Variants in NFIB observed in about 807,000 individuals in gnomAD.
NFIB encodes the protein nuclear factor I B.
Under a neutral mutation model 61.5 loss-of-function variants are expected in NFIB, and 11 were observed. That is an observed-to-expected ratio of 0.18 (90% CI 0.11 to 0.30). NFIB has a LOEUF of 0.30. Among genes scored for constraint, NFIB ranks in the 10% least tolerant of loss-of-function variants. NFIB has a pLI of 1.00. For missense variants in NFIB, 471 were observed against 608.9 expected, an observed-to-expected ratio of 0.77 and a Z score of 2.38; for synonymous variants, 260 against 216.5, an observed-to-expected ratio of 1.20 and a Z score of -1.76.
In NFIB at chr9:14,313,470, C is replaced by A. The variant is rs768458256; in HGVS notation, c.30+12G>T. The A allele has an allele frequency of 1.3e-5, 21 of 1,613,296 alleles. No individual in the cohort carries two copies. Among genetic ancestry groups the A allele is most frequent in the Non-Finnish European group, 1.6e-5 (19 of 1,179,590 alleles). Reference sequence around the variant, plus strand: ...CAGAGAGAAAGCTCGAGAAAGCGACCGAGACATGTACCTGAGTGAGACAGA... The same window carrying A: ...CAGAGAGAAAGCTCGAGAAAGCGACAGAGACATGTACCTGAGTGAGACAGA... On this transcript the variant is annotated intron_variant, in intron 1 of 10. Transcript: ENST00000380953. This position sits in a 1 kb window ranked among gnomAD's most constrained non-coding sequence, Gnocchi z 4.5.
the NFIB span, among the ~76,000 whole-genome samples, chr9:14,471,488 C>T: frequency 2.0e-4 from 31 of 152,290 alleles, no homozygotes; most frequent in Admixed American, 1.8e-3. Flanking sequence ...GTAAGCAACA[C>T]GTGGAAAAGA....
chr9:14,092,482 T>C (rs1488093151), intron 10 of NFIB, among the ~76,000 whole-genome samples: 1 of 152,048 alleles, frequency 6.6e-6, no homozygotes, highest in Non-Finnish European at 1.5e-5. Flanking sequence ...AGCCCTCAGT[T>C]ATGACTCAGA....
chr9:14,531,227 C>G, the NFIB span, among the ~76,000 whole-genome samples: 2 of 152,188 alleles, frequency 1.3e-5, no homozygotes, highest in African/African-American at 2.4e-5. Context: ...ACCAATATCC[C>G]TCCCTGAATT....
At position 14,204,100 on chromosome 9, in the gene NFIB, T is replaced by C. The variant is rs893905046; in HGVS notation, c.563-24320A>G. On this transcript the variant is annotated intron_variant, in intron 2 of 10. Transcript: ENST00000380953. ...TGAAAAATGAAAACCAAAAAATTAA[T>C]TTGTTTTCTTCTCATCCTTTAACAG... 1.3e-5 allele frequency: 5 copies of C among 379,334 alleles called. No homozygotes were observed. The South Asian group carries it at 3.9e-4, about 30-fold the overall frequency. The allele number at this position is 379,334 out of a possible 1,614,324, so 23.5% of individuals were successfully genotyped here.
At chr9:14,235,587 G>C (rs1262956503) in intron 2 of NFIB, among the ~76,000 whole-genome samples, 2 of 152,228 alleles carry the variant, frequency 1.3e-5, no homozygotes, top group African/African-American at 4.8e-5. Context: ...GAATTACGAA[G>C]CACAGTTGTT....
At chr9:14,271,443 C>A (rs998900013) in intron 2 of NFIB, among the ~76,000 whole-genome samples, 1 of 152,044 alleles carries the variant, frequency 6.6e-6, no homozygotes, top group African/African-American at 2.4e-5. Flanking sequence ...GGCTAATAAC[C>A]CCCACCTGCT....
the NFIB span, among the ~76,000 whole-genome samples, chr9:14,500,727 A>C: frequency 5.3e-5 from 8 of 152,300 alleles, no homozygotes; most frequent in East Asian, 1.5e-3. Context: ...GCCGCCCTAG[A>C]GTCCTACATT....
intron 5 of NFIB, among the ~76,000 whole-genome samples, chr9:14,147,635 A>AAT (rs2042406884): frequency 1.1e-5 from 1 of 91,178 alleles, no homozygotes; most frequent in African/African-American, 4.5e-5. Flanking sequence ...TTAAAATGAT[A>AAT]CTTTTTTTTT....
intron 2 of NFIB, among the ~76,000 whole-genome samples, chr9:14,203,917 T>C (rs2049332304): frequency 6.6e-6 from 1 of 152,108 alleles, no homozygotes; most frequent in Non-Finnish European, 1.5e-5. Flanking sequence ...AAGAAACTCA[T>C]TTAATTTGTG....
chr9:14,166,783 A>G (rs998848723), intron 3 of NFIB, among the ~76,000 whole-genome samples: 2 of 152,062 alleles, frequency 1.3e-5, no homozygotes, highest in African/African-American at 2.4e-5. Flanking sequence ...GTTGTCCTCT[A>G]TATCAATGCT....
the NFIB span, among the ~76,000 whole-genome samples, chr9:14,415,119 G>C: frequency 6.6e-6 from 1 of 152,204 alleles, no homozygotes; most frequent in African/African-American, 2.4e-5. Context: ...CCTGATTGGG[G>C]AAGAACCTGC....
intron 2 of NFIB, chr9:14,204,485 A>G: frequency 9.6e-7 from 1 of 1,043,036 alleles, no homozygotes; most frequent in Non-Finnish European, 1.5e-6. Context: ...GCCTCCTGCG[A>G]TTAACCAGTT....
At chr9:14,213,315 TA>T (rs143543656) in intron 2 of NFIB, among the ~76,000 whole-genome samples, 14,013 of 152,128 alleles carry the variant, frequency 0.092, 2,157 homozygotes, top group African/African-American at 0.32. Context: ...TTTGGAAAGT[TA>T]ACGCGGGCCC....
rs541935979 is a variant in NFIB, at chr9:14,294,021, C to G, written c.562+12968G>C. ...TCCTCCCATGAACTCATCTTAAACC[C>G]AAAATATGTTTCTCCATGCACATGT... On this transcript the variant is annotated intron_variant, in intron 2 of 10. Coordinates refer to ENST00000380953, the MANE Select transcript of NFIB (RefSeq NM_001190737.2). Among the ~76,000 whole-genome samples the G allele has an allele frequency of 3.3e-5, 5 of 152,262 alleles. No individual in the cohort carries two copies. The East Asian group carries it at 9.7e-4, about 29-fold the overall frequency.
chr9:14,503,835 A>G, the NFIB span, among the ~76,000 whole-genome samples: 11 of 152,140 alleles, frequency 7.2e-5, no homozygotes, highest in Admixed American at 6.5e-5. Flanking sequence ...ATTAAGTCCC[A>G]TCTATTTATC....
intron 3 of NFIB, 93 bp downstream of exon 3, chr9:14,179,634 G>T: frequency 7.3e-7 from 1 of 1,367,770 alleles, no homozygotes; most frequent in South Asian, 1.3e-5. Flanking sequence ...GAACAAAATA[G>T]GCAGCTGACC....
intron 2 of NFIB, among the ~76,000 whole-genome samples, chr9:14,278,096 C>T (rs1197300988): frequency 1.3e-5 from 2 of 152,148 alleles, no homozygotes; most frequent in African/African-American, 4.8e-5. Flanking sequence ...AAAAATTAAT[C>T]CTAAACTGTC....
chr9:14,501,629 T>C, the NFIB span, among the ~76,000 whole-genome samples: 1 of 152,226 alleles, frequency 6.6e-6, no homozygotes, highest in Non-Finnish European at 1.5e-5. Flanking sequence ...AAGCTAAGAA[T>C]AATAGGTGGC....
At position 14,276,691 on chromosome 9, in the gene NFIB, A is replaced by G. The variant is rs1428476629; in HGVS notation, c.562+30298T>C. 9.2e-5 allele frequency among the ~76,000 whole-genome samples: 14 copies of G among 152,246 alleles called. No individual in the cohort carries two copies. The South Asian group carries it at 2.9e-3, about 32-fold the overall frequency. On this transcript the variant is annotated intron_variant, in intron 2 of 10. Coordinates refer to ENST00000380953, the MANE Select transcript of NFIB (RefSeq NM_001190737.2). ...TTGTGAAGGTTCCTGCAATATTTAA[A>G]TAAAATACTACACATAGAAGTATCT... is the stretch of plus-strand genomic sequence containing the variant.
Sources: allele counts gnomAD v4.1 joint callset (sites outside exome capture counted in the v4.1 genomes callset), GRCh38; gene constraint gnomAD v4.1.1; non-coding constraint Gnocchi (gnomAD v3.1); transcripts MANE v1.5; gene names NCBI Gene and HGNC (gene_info 2026-07-23, HGNC 2026-07-21).